Variants in DEFB110 observed in about 807,000 individuals in gnomAD.
The protein encoded by DEFB110 is defensin beta 110.
A neutral mutation model predicts 2.5 loss-of-function variants in DEFB110; 4 were observed. That is an observed-to-expected ratio of 1.60 (90% CI 0.79 to 3.66). The LOEUF is 3.66. Among genes scored for constraint, DEFB110 ranks in the 30% most tolerant of loss-of-function variants. DEFB110 has a pLI of 0.01. For synonymous variants in DEFB110, 29 were observed against 21.8 expected (o/e 1.33, Z -0.92); for missense variants, 94 against 75.4 (o/e 1.25, Z -0.91).
At chr6:50,021,676 T>G (rs1774420080) in intron 1 of DEFB110, among the ~76,000 whole-genome samples, 1 of 152,224 alleles carries the variant, frequency 6.6e-6, no homozygotes, top group Non-Finnish European at 1.5e-5. Context: ...GCTATTCAGA[T>G]TTTGCCAGTT....
chr6:50,011,841 A>C (rs1340926942), intron 1 of DEFB110, among the ~76,000 whole-genome samples: 8 of 152,016 alleles, frequency 5.3e-5, no homozygotes, highest in Admixed American at 5.3e-4. Flanking sequence ...TGCTGGATAG[A>C]AGTTGAAGTC....
In DEFB110 at chr6:50,019,025, C is replaced by T. The variant is rs115648436; in HGVS notation, c.156G>A (p.Arg52=). The change falls in exon 2 of 2, where the codon AGG becomes AGA. Residue 52 remains arginine, a synonymous_variant. Coordinates refer to ENST00000371148, the MANE Select transcript of DEFB110 (RefSeq NM_001037497.2). ...CKNQCHENEI[R]IAYCIRPGTH... is the part of the protein sequence containing the mutation. ...TTCCAGGTCTTATGCAGTAAGCAAT[C>T]CTAATTTCATTTTCATGACACTGAT... 21,027 of 1,613,112 alleles carry T rather than the reference C, an allele frequency of 0.013. 171 individuals carry two copies. Among genetic ancestry groups the T allele is most frequent in the Non-Finnish European group, 0.016 (18,857 of 1,179,396 alleles).
At chr6:50,021,714 T>C (rs1774420629) in intron 1 of DEFB110, among the ~76,000 whole-genome samples, 167 bp downstream of exon 1, 1 of 152,246 alleles carries the variant, frequency 6.6e-6, no homozygotes. Flanking sequence ...TGTCTGTTTT[T>C]CACTATTGTC....
intron 1 of DEFB110, among the ~76,000 whole-genome samples, chr6:50,013,088 T>C (rs1774252892): frequency 6.6e-6 from 1 of 151,892 alleles, no homozygotes; most frequent in African/African-American, 2.4e-5. Context: ...TCTAAGCCAG[T>C]TATATTCATT....
chr6:50,016,517 A>G (rs1417296267), downstream of DEFB110, among the ~76,000 whole-genome samples: 5 of 151,834 alleles, frequency 3.3e-5, no homozygotes, highest in East Asian at 9.6e-4. Context: ...CAGCAAGAAA[A>G]TCACCAGAAA....
At position 50,019,221 on chromosome 6, in the gene DEFB110, G is replaced by A. The variant is rs1582368764; in HGVS notation, c.56-96C>T. 4.6e-6 allele frequency: 6 copies of A among 1,305,014 alleles called. No individual in the cohort carries two copies. The East Asian group carries it at 1.2e-4, about 26-fold the overall frequency. 80.8% of individuals were successfully genotyped at this position (1,305,014 alleles called of 1,614,324 possible). A position where few individuals can be genotyped will look rare whatever the true frequency, so the allele number is the denominator to read the frequency against. ...TCCATGAAGCAAAAGATTATAGAGT[G>A]AAAATGTCCACCTACCTATGGAGGA... On this transcript the variant is annotated intron_variant, in intron 1 of 1. Coordinates refer to ENST00000371148, the MANE Select transcript of DEFB110 (RefSeq NM_001037497.2).
chr6:50,020,414 G>A (rs755864943), intron 1 of DEFB110, among the ~76,000 whole-genome samples: 2 of 150,428 alleles, frequency 1.3e-5, no homozygotes, highest in African/African-American at 2.4e-5. Flanking sequence ...TGGCCGATTC[G>A]TTTTCAGAAG....
Position 50,021,068 on chromosome 6 carries a change from C to T in DEFB110, c.55+813G>A, listed in dbSNP as rs112092143. On this transcript the variant is annotated intron_variant, in intron 1 of 1. Transcript: ENST00000371148. ...TCATTCTGACCTCTACATGTGTTCT[C>T]CAGTTTGTGTCCTTGGATTGCTAAT... Among the ~76,000 whole-genome samples, 360 of 152,220 alleles carry T rather than the reference C, an allele frequency of 2.4e-3. 3 individuals are homozygous for T. Among genetic ancestry groups the T allele is most frequent in the African/African-American group, 6.2e-3 (259 of 41,538 alleles).
In DEFB110 at chr6:50,019,026, CTAAT is replaced by C; in HGVS notation, c.151_154del (p.Ile51GlyfsTer6). 6.2e-7 allele frequency: 1 copy of C among 1,613,130 alleles called. No homozygotes were observed. Among genetic ancestry groups the C allele is most frequent in the Non-Finnish European group, 8.5e-7 (1 of 1,179,410 alleles). ...TCCAGGTCTTATGCAGTAAGCAATCCTAATTTCATTTTCATGACACTGATTTTTA... is the reference window on the plus strand; with the variant it reads ...TCCAGGTCTTATGCAGTAAGCAATCCTTCATTTTCATGACACTGATTTTTA... On this transcript the variant is annotated frameshift_variant, in exon 2 of 2. Coordinates refer to ENST00000371148, the MANE Select transcript of DEFB110 (RefSeq NM_001037497.2). LOFTEE classifies it high-confidence loss of function.
Position 50,019,005 on chromosome 6 carries a change from G to A in DEFB110, c.176C>T (p.Pro59Leu). 6.2e-7 allele frequency: 1 copy of A among 1,612,562 alleles called. No homozygotes were observed. The highest frequency in any genetic ancestry group is 1.3e-5 in the African/African-American group (1 of 74,958). Residue 59 changes from proline (P) to leucine (L), a missense_variant, in exon 2 of 2, where the codon CCT becomes CTT. Transcript: ENST00000371148. ...CTGCTGCAAGCAGCAATGAGTTCCA[G>A]GTCTTATGCAGTAAGCAATCCTAAT... ...NEIRIAYCIRPGTHCCLQQ is the reference protein window; with the variant it reads ...NEIRIAYCIRLGTHCCLQQ
chr6:50,014,928 T>G (rs1774291747), downstream of DEFB110, among the ~76,000 whole-genome samples: 1 of 151,844 alleles, frequency 6.6e-6, no homozygotes, highest in East Asian at 1.9e-4. Flanking sequence ...CTCAAAAGAT[T>G]ACTGTCTCCA....
At chr6:50,017,773 A>T (rs1774342155), downstream of DEFB110, among the ~76,000 whole-genome samples, 1 of 151,916 alleles carries the variant, frequency 6.6e-6, no homozygotes, top group African/African-American at 2.4e-5. Context: ...CTTAAATCTC[A>T]TATCTGCATT....
At position 50,021,811 on chromosome 6, in the gene DEFB110, T is replaced by A. The variant is rs556931392; in HGVS notation, c.55+70A>T. On this transcript the variant is annotated intron_variant, in intron 1 of 1. Transcript: ENST00000371148. Reference sequence around the variant, plus strand: ...TTAATCCCTATGTTATTATCATATTTTTTATCAAGAAACAACTTATGTCTT... The same window carrying A: ...TTAATCCCTATGTTATTATCATATTATTTATCAAGAAACAACTTATGTCTT... The A allele has an allele frequency of 6.5e-3, 9,249 of 1,412,618 alleles. 41 individuals are homozygous for A. The highest frequency in any genetic ancestry group is 9.7e-3 in the South Asian group (711 of 72,938). The allele number at this position is 1,412,618 out of a possible 1,614,324, so 87.5% of individuals were successfully genotyped here.
At chr6:50,019,793 C>T (rs1774387942) in intron 1 of DEFB110, among the ~76,000 whole-genome samples, 2 of 151,808 alleles carry the variant, frequency 1.3e-5, no homozygotes. Flanking sequence ...CAAACAATTT[C>T]TGTCAATTAC....
At chr6:50,017,627 T>C (rs1774338786), downstream of DEFB110, among the ~76,000 whole-genome samples, 1 of 151,928 alleles carries the variant, frequency 6.6e-6, no homozygotes, top group Admixed American at 6.6e-5. Flanking sequence ...ATAACTATTG[T>C]AAAGATACTT....
intron 1 of DEFB110, among the ~76,000 whole-genome samples, chr6:50,011,477 G>A (rs1411368451): frequency 1.3e-5 from 2 of 151,964 alleles, no homozygotes; most frequent in African/African-American, 4.8e-5. Context: ...AAGGTTTCTG[G>A]GAGTCTCATC....
At chr6:50,018,738 T>C (rs143121584), downstream of DEFB110, 3 of 1,075,236 alleles carry the variant, frequency 2.8e-6, no homozygotes, top group Non-Finnish European at 3.5e-6. Context: ...CACTGAAAAC[T>C]TGAGGAACTT....
downstream of DEFB110, among the ~76,000 whole-genome samples, chr6:50,014,914 C>A (rs779258983): frequency 6.6e-6 from 1 of 151,750 alleles, no homozygotes; most frequent in Non-Finnish European, 1.5e-5. Context: ...TCCTGTCTTG[C>A]CAACTCAAAA....
rs1295966744 is a variant in DEFB110 at position 50,010,801 on chromosome 6, T to G, written c.56-1530A>C. On this transcript the variant is annotated intron_variant, in intron 1 of 1. Transcript: ENST00000393660. ...GTAACTGTTGCTAGAATAGAAACTT[T>G]TTAAGCCAATCAACATTCCTGAGCC... 3.3e-5 allele frequency among the ~76,000 whole-genome samples: 5 copies of G among 151,774 alleles called. No individual in the cohort carries two copies. The East Asian group carries it at 7.7e-4, about 23-fold the overall frequency.
Sources: allele counts gnomAD v4.1 joint callset (sites outside exome capture counted in the v4.1 genomes callset), GRCh38; gene constraint gnomAD v4.1.1; transcripts MANE v1.5; gene names NCBI Gene and HGNC (gene_info 2026-07-23, HGNC 2026-07-21).